SUN1: variants seen among roughly 807,000 people sequenced by gnomAD.
SUN1 encodes SUN domain-containing protein 1.
In SUN1, 61 loss-of-function variants were observed where a neutral mutation model predicts 103.2. The ratio of observed to expected loss-of-function variants is 0.59; its 90% CI spans 0.48 to 0.73. SUN1 has a LOEUF of 0.73. SUN1 is among the 30% of genes least tolerant of loss of function. SUN1 has a pLI of 0.00. For missense variants in SUN1, 1,052 were observed against 1,034.6 expected (o/e 1.02, Z -0.23); for synonymous variants, 490 against 425.7 (o/e 1.15, Z -1.86).
Position 843,409 on chromosome 7 carries a change from T to G in SUN1, c.547T>G (p.Phe183Val). The G allele has an allele frequency of 1.2e-6, 2 of 1,613,550 alleles. No homozygotes were observed. The highest frequency in any genetic ancestry group is 2.2e-5 in the South Asian group (2 of 91,026). ...GAAAATAHNG[F>V]SCSNCSMLSE... ...CGCCGCCGCCACCGCGCACAACGGC[T>G]TCTCCTGCAGCAACTGCAGCATGCT... The change falls in exon 5 of 19, where the codon TTC (phenylalanine) becomes GTC (valine). Residue 183 changes from phenylalanine (F) to valine (V), a missense_variant. By Grantham distance (50) the Phe-to-Val change is conservative. This residue lies in a region of SUN1 where 846 missense variants were observed against 774.5 expected (regional missense o/e 1.09). Coordinates refer to ENST00000401592, the MANE Select transcript of SUN1 (RefSeq NM_001130965.3).
chr7:841,444 G>C (rs13236533), intron 2 of SUN1, among the ~76,000 whole-genome samples: 1 of 151,136 alleles, frequency 6.6e-6, no homozygotes, highest in African/African-American at 2.4e-5. Context: ...GGGTTTCACC[G>C]TGTTGGCCAG....
At chr7:849,430 TC>T in intron 5 of SUN1, 2 of 1,003,622 alleles carry the variant, frequency 2.0e-6, no homozygotes, top group South Asian at 2.8e-5. Flanking sequence ...GCCTTGCACA[TC>T]CTCTGATCAT....
chr7:870,979 C>T, intron 17 of SUN1, among the ~76,000 whole-genome samples: 1 of 150,062 alleles, frequency 6.7e-6, no homozygotes, highest in Admixed American at 6.7e-5. Context: ...CAATCTCCGC[C>T]TCCCGGGTTC....
At chr7:869,577 A>T in intron 17 of SUN1, 61 bp downstream of exon 17, 1 of 1,583,182 alleles carries the variant, frequency 6.3e-7, no homozygotes. Context: ...CACAGATGAA[A>T]GCAAGTGACG....
chr7:869,567 C>T (rs771501434), intron 17 of SUN1, 51 bp downstream of exon 17: 6 of 1,590,156 alleles, frequency 3.8e-6, no homozygotes, highest in Non-Finnish European at 4.3e-6. Flanking sequence ...TGGGAGTTCC[C>T]ACAGATGAAA....
Position 838,939 on chromosome 7 carries a change from C to T in SUN1, c.219C>T (p.Ala73=), listed in dbSNP as rs765163799. ...TGGGGGATGGTGAGGCTGTGGGTGC[C>T]GACAGCGGCACCAGCAGCGCTGTCT... ...CTLGDGEAVG[A]DSGTSSAVSL... Residue 73 remains alanine, a synonymous_variant, in exon 2 of 19, where the codon GCC becomes GCT. Transcript: ENST00000401592. 5.6e-6 allele frequency: 9 copies of T among 1,609,074 alleles called. No individual in the cohort carries two copies. Among genetic ancestry groups the T allele is most frequent in the Admixed American group, 3.4e-5 (2 of 59,338 alleles).
chr7:834,258 C>T (rs10274550), intron 1 of SUN1, among the ~76,000 whole-genome samples: 112,063 of 145,132 alleles, frequency 0.77, 43,481 homozygotes, highest in Admixed American at 0.83. Context: ...TTTGGACTCT[C>T]GGGCACTGGG....
chr7:837,187 C>G (rs995161641), intron 1 of SUN1, among the ~76,000 whole-genome samples: 1 of 152,214 alleles, frequency 6.6e-6, no homozygotes, highest in Non-Finnish European at 1.5e-5. Flanking sequence ...TGCGGAGGCT[C>G]TGAAGTGCTG....
At chr7:848,047 C>T (rs1261372888) in intron 5 of SUN1, among the ~76,000 whole-genome samples, 1 of 151,180 alleles carries the variant, frequency 6.6e-6, no homozygotes, top group Non-Finnish European at 1.5e-5. Context: ...TCTCCGGGAT[C>T]CCCTGGGGGT....
chr7:874,354 C>T lies in SUN1; in HGVS notation c.*1023C>T, dbSNP rs1843299788. On this transcript the variant is annotated 3_prime_UTR_variant, in exon 19 of 19. Coordinates refer to ENST00000401592, the MANE Select transcript of SUN1 (RefSeq NM_001130965.3). ...GTGAGACTCTTTTTGGTTATAATTACTATTTAATATTTAGACTATTTTACT... is the reference window on the plus strand; with the variant it reads ...GTGAGACTCTTTTTGGTTATAATTATTATTTAATATTTAGACTATTTTACT... 1 of 152,600 alleles carries T rather than the reference C, an allele frequency of 6.6e-6. No individual in the cohort carries two copies. The highest frequency in any genetic ancestry group is 2.4e-5 in the African/African-American group (1 of 41,426). 9.5% of individuals were successfully genotyped at this position (152,600 alleles called of 1,614,324 possible).
At chr7:834,986 G>A (rs895575968) in intron 1 of SUN1, among the ~76,000 whole-genome samples, 8 of 152,230 alleles carry the variant, frequency 5.3e-5, no homozygotes, top group African/African-American at 1.9e-4. Context: ...TGAGGCAGGA[G>A]AATCGCTTGA....
chr7:815,668 A>G (rs937570388), upstream of SUN1, among the ~76,000 whole-genome samples: 1 of 152,268 alleles, frequency 6.6e-6, no homozygotes, highest in Non-Finnish European at 1.5e-5. Context: ...CAGTATTTGC[A>G]AGACGCGGTG....
chr7:841,290 C>A (rs1441572849), intron 2 of SUN1, among the ~76,000 whole-genome samples: 1 of 142,302 alleles, frequency 7.0e-6, no homozygotes, highest in Non-Finnish European at 1.5e-5. Flanking sequence ...GTCACCCAGG[C>A]TGGAGTGCAG....
chr7:861,452 C>G lies in SUN1; in HGVS notation c.1852C>G (p.Leu618Val). Residue 618 changes from leucine (L) to valine (V), a missense_variant, in exon 15 of 19, where the codon CTG becomes GTG. Transcript: ENST00000401592. ...TAAGACCGGGATGGTGGACTTTGCT[C>G]TGGAATCTGGTGGTGAGTAAATAGA... ...QDKTGMVDFA[L>V]ESGGGSILST... is the part of the protein sequence containing the mutation. 1 of 1,614,160 alleles carries G rather than the reference C, an allele frequency of 6.2e-7. No homozygotes were observed. The highest frequency in any genetic ancestry group is 8.5e-7 in the Non-Finnish European group (1 of 1,180,018).
chr7:855,095 C>G (rs1365324374), intron 11 of SUN1, 89 bp downstream of exon 11: 2 of 1,005,146 alleles, frequency 2.0e-6, no homozygotes, highest in African/African-American at 3.3e-5. Context: ...TTTAATGTTC[C>G]TCTTTTTAGG....
At chr7:861,354 G>T in intron 14 of SUN1, 26 bp from the exon 15 acceptor site, 1 of 1,613,712 alleles carries the variant, frequency 6.2e-7, no homozygotes, top group South Asian at 1.1e-5. Flanking sequence ...CTGGTGTTTG[G>T]TCTTCCGTCC....
chr7:826,879 G>A (rs576334897), intron 1 of SUN1, among the ~76,000 whole-genome samples: 6 of 152,256 alleles, frequency 3.9e-5, no homozygotes, highest in Admixed American at 6.5e-5. Flanking sequence ...TTATCAACTC[G>A]GTATTGACGG....
chr7:827,820 C>T (rs532548708), upstream of SUN1, among the ~76,000 whole-genome samples: 26 of 151,978 alleles, frequency 1.7e-4, no homozygotes, highest in Non-Finnish European at 3.7e-4. Flanking sequence ...TGTATATTTT[C>T]GTGTCTACCA....
chr7:872,913 C>G (rs1585422876), intron 18 of SUN1, among the ~76,000 whole-genome samples: 1 of 152,042 alleles, frequency 6.6e-6, no homozygotes, highest in Admixed American at 6.6e-5. Context: ...ATGGCGAAAC[C>G]CGGTCTCTAC....
Sources: gnomAD v4.1 joint callset for allele counts (sites outside exome capture counted in the v4.1 genomes callset) on GRCh38, gnomAD v4.1.1 for gene constraint, gnomAD v4.1.1 regional missense constraint, MANE v1.5 for transcripts, NCBI Gene and HGNC (gene_info 2026-07-23, HGNC 2026-07-21) for gene names.